The following ZNF652 variants were observed in gnomAD, a reference collection of about 807,000 sequenced individuals.
The protein encoded by ZNF652 is zinc finger protein 652.
A neutral mutation model predicts 45.2 loss-of-function variants in ZNF652; 16 were observed. That is an observed-to-expected ratio of 0.35 (90% CI 0.24 to 0.54). ZNF652 has a LOEUF of 0.54. Among genes scored for constraint, ZNF652 ranks in the 20% least tolerant of loss-of-function variants. ZNF652 has a pLI of 0.91. For missense variants in ZNF652, 614 were observed against 765.6 expected (o/e 0.80, Z 2.34); for synonymous variants, 250 against 260.6 (o/e 0.96, Z 0.39).
At chr17:49,334,557 T>C (rs749652228) in intron 1 of ZNF652, among the ~76,000 whole-genome samples, 1 of 152,056 alleles carries the variant, frequency 6.6e-6, no homozygotes, top group African/African-American at 2.4e-5. Context: ...GGCAGGTGAA[T>C]TGCTAGAGTT....
In ZNF652 at chr17:49,317,622, G is replaced by C. The variant is rs1486652556; in HGVS notation, c.104C>G (p.Ser35Cys). The C allele has an allele frequency of 1.9e-6, 3 of 1,613,962 alleles. No homozygotes were observed. The highest frequency in any genetic ancestry group is 1.7e-5 in the Admixed American group (1 of 59,988). Residue 35 changes from serine to cysteine, a missense_variant, in exon 2 of 6, where the codon TCC becomes TGC. Ser to Cys is a moderately radical substitution (Grantham distance 112). Coordinates refer to ENST00000430262, the MANE Select transcript of ZNF652 (RefSeq NM_001145365.3). ...TTCTTGGTTGGCACCATGATAAAAG[G>C]AAGATGGCACTTGACCACGACGGCT... The part of the protein sequence containing the change: ...EDSRRGQVPS[S>C]FYHGANQELD...
downstream of ZNF652, among the ~76,000 whole-genome samples, chr17:49,288,132 T>C (rs965058007): frequency 4.5e-4 from 68 of 151,756 alleles, no homozygotes; most frequent in Middle Eastern, 3.4e-3. Flanking sequence ...TTCTTGAACC[T>C]TTTATTCACT....
rs190451074 is a variant in ZNF652 at position 49,295,879 on chromosome 17, A to G, written c.*2534T>C. On this transcript the variant is annotated 3_prime_UTR_variant, in exon 6 of 6. Transcript: ENST00000430262. ...CTTGAACCCGGGGGGCGGGGGTTGC[A>G]GTGAGCCAAGATCACGCCACTGCAC... 763 of 133,134 alleles carry G rather than the reference A, an allele frequency of 5.7e-3. 3 individuals carry two copies. The highest frequency in any genetic ancestry group is 7.1e-3 in the Non-Finnish European group (455 of 64,490). The allele number at this position is 133,134 out of a possible 1,614,324, so 8.2% of individuals were successfully genotyped here.
chr17:49,340,475 G>A (rs2070132822), intron 1 of ZNF652, among the ~76,000 whole-genome samples: 1 of 137,544 alleles, frequency 7.3e-6, no homozygotes, highest in South Asian at 2.4e-4. Context: ...AGAATCTCTT[G>A]AAATTGGGAG....
In ZNF652 at chr17:49,317,210, A is replaced by G; in HGVS notation, c.516T>C (p.Asn172=). The part of the protein sequence containing the change: ...ATDDSNDYGE[N]EKQKKKEKIV... ...TCTTCTCCTTTTTCTTCTGCTTTTC[A>G]TTCTCTCCATAGTCATTGCTGTCAT... is the stretch of plus-strand genomic sequence containing the variant. Residue 172 remains asparagine, a synonymous_variant, in exon 2 of 6, where the codon AAT becomes AAC. Transcript: ENST00000430262. The G allele has an allele frequency of 6.2e-7, 1 of 1,613,230 alleles. No homozygotes were observed. The highest frequency in any genetic ancestry group is 8.5e-7 in the Non-Finnish European group (1 of 1,179,978).
In ZNF652 at chr17:49,317,226, T is replaced by C. The variant is rs752553643; in HGVS notation, c.500A>G (p.Asn167Ser). ...CTGCTTTTCATTCTCTCCATAGTCA[T>C]TGCTGTCATCTGTGGCCTCTTCCTC... ...ESEEEATDDS[N>S]DYGENEKQKK... Residue 167 changes from asparagine to serine, a missense_variant, in exon 2 of 6, where the codon AAT becomes AGT. This residue lies in a region of ZNF652 where 262 missense variants were observed against 306.3 expected (regional missense o/e 0.86). Transcript: ENST00000430262. 50 of 1,613,474 alleles carry C rather than the reference T, an allele frequency of 3.1e-5. No homozygotes were observed. The highest frequency in any genetic ancestry group is 2.0e-4 in the Admixed American group (12 of 60,006).
In ZNF652 at chr17:49,297,895, A is replaced by C. The variant is rs1290441878; in HGVS notation, c.*518T>G. 6.5e-6 allele frequency: 1 copy of C among 154,548 alleles called. No individual in the cohort carries two copies. The highest frequency in any genetic ancestry group is 2.4e-5 in the African/African-American group (1 of 41,440). 9.6% of individuals were successfully genotyped at this position (154,548 alleles called of 1,614,324 possible). On this transcript the variant is annotated 3_prime_UTR_variant, in exon 6 of 6. Transcript: ENST00000430262. Reference sequence around the variant, plus strand: ...GTTAGGAGAGCTACACAAAGAAGAAAATTTCTGTCTTTCTCTATAATGCTT... The same window carrying C: ...GTTAGGAGAGCTACACAAAGAAGAACATTTCTGTCTTTCTCTATAATGCTT...
chr17:49,341,263 A>G (rs573927357), intron 1 of ZNF652, among the ~76,000 whole-genome samples: 1 of 152,024 alleles, frequency 6.6e-6, no homozygotes, highest in East Asian at 1.9e-4. Context: ...TGACAAAACT[A>G]TGTCAAAGAA....
intron 4 of ZNF652, 78 bp from the exon 5 acceptor site, chr17:49,311,534 T>A: frequency 1.4e-6 from 2 of 1,423,724 alleles, no homozygotes; most frequent in Non-Finnish European, 1.9e-6. Context: ...CAGTCTCTGA[T>A]ACTAGGCTTA....
In ZNF652 at chr17:49,301,262, A is replaced by C. The variant is rs2143709185; in HGVS notation, c.1310-2338T>G. Among the ~76,000 whole-genome samples the C allele has an allele frequency of 2.6e-5, 4 of 152,272 alleles. No homozygotes were observed. In the Middle Eastern group the frequency reaches 0.014, roughly 518 times the overall value. On this transcript the variant is annotated intron_variant, in intron 5 of 5. Transcript: ENST00000430262. ...AGAGTCAATTTTCTCCATAACTATC[A>C]GTATTATTTGAAGACTATCATATTT... is the stretch of plus-strand genomic sequence containing the variant.
chr17:49,324,596 G>A (rs575506022), intron 1 of ZNF652, among the ~76,000 whole-genome samples: 2 of 151,970 alleles, frequency 1.3e-5, no homozygotes, highest in Admixed American at 1.3e-4. Context: ...CACTATGTTG[G>A]CCAGGCTGGT....
intron 5 of ZNF652, among the ~76,000 whole-genome samples, chr17:49,301,517 C>CA (rs2069552368): frequency 6.6e-6 from 1 of 152,134 alleles, no homozygotes; most frequent in African/African-American, 2.4e-5. Flanking sequence ...ATGCTAGTCT[C>CA]AAACTCCTGA....
At chr17:49,312,393 T>C (rs780605228) in intron 3 of ZNF652, among the ~76,000 whole-genome samples, 21 of 152,108 alleles carry the variant, frequency 1.4e-4, no homozygotes, top group South Asian at 8.3e-4. Context: ...TCCGAACTCC[T>C]GACTTAAAGT....
intron 5 of ZNF652, among the ~76,000 whole-genome samples, chr17:49,300,634 G>A (rs550333782): frequency 6.6e-6 from 1 of 152,260 alleles, no homozygotes; most frequent in South Asian, 2.1e-4. Context: ...CCATACGCTT[G>A]TACTGATCAA....
At chr17:49,349,769 T>A (rs2070250312) in intron 1 of ZNF652, among the ~76,000 whole-genome samples, 1 of 152,188 alleles carries the variant, frequency 6.6e-6, no homozygotes, top group African/African-American at 2.4e-5. Context: ...AAGTGATAAA[T>A]CATGTTTCTG....
At position 49,298,855 on chromosome 17, in the gene ZNF652, C is replaced by T. The variant is rs2069512582; in HGVS notation, c.1379G>A (p.Arg460His). Residue 460 changes from arginine (R) to histidine (H), a missense_variant, in exon 6 of 6, where the codon CGC (arginine) becomes CAC (histidine). Transcript: ENST00000430262. ...FTSRPNMKRH[R>H]RTHTGEKPYP... Reference sequence around the variant, plus strand: ...GGGCTTCTCGCCTGTGTGAGTTCTGCGGTGTCTCTTCATGTTGGGGCGGCT... The same window carrying T: ...GGGCTTCTCGCCTGTGTGAGTTCTGTGGTGTCTCTTCATGTTGGGGCGGCT... 1.2e-6 allele frequency: 2 copies of T among 1,613,782 alleles called. No homozygotes were observed. The highest frequency in any genetic ancestry group is 1.3e-5 in the African/African-American group (1 of 74,884).
rs757179562 is a variant in ZNF652 at position 49,298,927 on chromosome 17, G to T, written c.1310-3C>A. ...TTCACAGATAAAGGGTTTCTCTCCT[G>T]AGATGAACACAGACATAAAAATGAT... On this transcript the variant is annotated splice_region_variant and splice_polypyrimidine_tract_variant and intron_variant, in intron 5 of 5. Transcript: ENST00000430262. The T allele has an allele frequency of 6.2e-7, 1 of 1,604,340 alleles. No homozygotes were observed. Among genetic ancestry groups the T allele is most frequent in the East Asian group, 2.2e-5 (1 of 44,674 alleles).
intron 5 of ZNF652, among the ~76,000 whole-genome samples, chr17:49,304,968 T>C (rs2143730938): frequency 1.3e-5 from 2 of 152,144 alleles, no homozygotes; most frequent in Admixed American, 1.3e-4. Context: ...TCTTGAACTT[T>C]AAACCCATTT....
downstream of ZNF652, chr17:49,288,213 T>C (rs1044471687): frequency 2.6e-5 from 4 of 152,030 alleles, no homozygotes; most frequent in African/African-American, 7.2e-5. Flanking sequence ...TGCTATGGGG[T>C]CATGGTGAAA....
Sources: gnomAD v4.1 joint callset for allele counts (sites outside exome capture counted in the v4.1 genomes callset) on GRCh38, gnomAD v4.1.1 for gene constraint, gnomAD v4.1.1 regional missense constraint, MANE v1.5 for transcripts, NCBI Gene and HGNC (gene_info 2026-07-23, HGNC 2026-07-21) for gene names.